GRM8: variants seen among roughly 807,000 people sequenced by gnomAD.
The protein encoded by GRM8 is glutamate metabotropic receptor 8.
Under a neutral mutation model 87.2 loss-of-function variants are expected in GRM8, and 47 were observed. The observed-to-expected ratio is 0.54, with a 90% confidence interval of 0.43 to 0.69. The LOEUF is 0.69. GRM8 is among the 30% of genes least tolerant of loss of function. The pLI is 0.00. For missense variants in GRM8, 1,019 were observed against 1,139.2 expected, an observed-to-expected ratio of 0.89 and a Z score of 1.52; for synonymous variants, 396 against 404.5, an observed-to-expected ratio of 0.98 and a Z score of 0.25.
chr7:126,822,302 G>A (rs1794367819), intron 6 of GRM8, among the ~76,000 whole-genome samples: 1 of 152,042 alleles, frequency 6.6e-6, no homozygotes, highest in Non-Finnish European at 1.5e-5. Context: ...AACTTCTCAA[G>A]CCTTTACTCC....
At chr7:126,951,409 T>C (rs1808142849) in intron 3 of GRM8, among the ~76,000 whole-genome samples, 1 of 152,066 alleles carries the variant, frequency 6.6e-6, no homozygotes, top group Admixed American at 6.6e-5. Context: ...CAGTTATGAT[T>C]CATATTTTTC....
chr7:126,610,665 AT>A (rs1242856449), intron 7 of GRM8, among the ~76,000 whole-genome samples: 2 of 152,224 alleles, frequency 1.3e-5, no homozygotes, highest in African/African-American at 4.8e-5. Flanking sequence ...ATTGTAAAAT[AT>A]TTAACTTATC....
chr7:127,009,948 TC>T (rs1425879116), intron 3 of GRM8, among the ~76,000 whole-genome samples: 1 of 151,992 alleles, frequency 6.6e-6, no homozygotes, highest in Non-Finnish European at 1.5e-5. Context: ...GGTTCAAGGA[TC>T]CCCCTGCCTC....
At chr7:126,721,668 T>G (rs988694733) in intron 7 of GRM8, among the ~76,000 whole-genome samples, 1 of 152,102 alleles carries the variant, frequency 6.6e-6, no homozygotes, top group African/African-American at 2.4e-5. Flanking sequence ...TCTCCTGCAC[T>G]CCTCTGATTG....
chr7:126,795,807 A>G (rs1403897965), intron 6 of GRM8, among the ~76,000 whole-genome samples: 1 of 151,988 alleles, frequency 6.6e-6, no homozygotes, highest in African/African-American at 2.4e-5. Context: ...AGTTTACTGG[A>G]TGTATGTTGC....
chr7:127,119,950 A>G lies in GRM8; in HGVS notation c.511-13238T>C, dbSNP rs78943823. 2.0e-5 allele frequency among the ~76,000 whole-genome samples: 3 copies of G among 152,284 alleles called. No homozygotes were observed. The East Asian group carries it at 5.8e-4, about 29-fold the overall frequency. ...ACTCCAAACCTATAAATGCAGTCTA[A>G]ATCTCTCCAGTGAGTTCCAGACCCA... On this transcript the variant is annotated intron_variant, in intron 2 of 10. Coordinates refer to ENST00000339582, the MANE Select transcript of GRM8 (RefSeq NM_000845.3).
chr7:126,901,896 C>T (rs1235758876), intron 6 of GRM8, among the ~76,000 whole-genome samples: 1 of 151,898 alleles, frequency 6.6e-6, no homozygotes, highest in Non-Finnish European at 1.5e-5. Context: ...ATATCTGTAA[C>T]CTTGCTAAAT....
chr7:126,820,666 C>T (rs1250336139), intron 6 of GRM8, among the ~76,000 whole-genome samples: 2 of 152,200 alleles, frequency 1.3e-5, no homozygotes, highest in Non-Finnish European at 2.9e-5. Flanking sequence ...CCTGGACATC[C>T]TCTACATGTT....
At chr7:126,773,246 C>A (rs1330844501) in intron 6 of GRM8, among the ~76,000 whole-genome samples, 1 of 152,038 alleles carries the variant, frequency 6.6e-6, no homozygotes, top group Admixed American at 6.6e-5. Context: ...TGTTTTTAAT[C>A]TAATTATTTT....
chr7:126,486,581 T>A (rs993639250), intron 9 of GRM8, among the ~76,000 whole-genome samples: 1 of 152,076 alleles, frequency 6.6e-6, no homozygotes, highest in Non-Finnish European at 1.5e-5. Context: ...TCACAATTTT[T>A]AAAAATCTTG....
rs537386657 is a variant in GRM8 at position 126,973,623 on chromosome 7, C to T, written c.728-68940G>A. 2.0e-5 allele frequency among the ~76,000 whole-genome samples: 3 copies of T among 152,266 alleles called. No homozygotes were observed. In the South Asian group the frequency reaches 6.2e-4, roughly 32 times the overall value. On this transcript the variant is annotated intron_variant, in intron 3 of 10. Coordinates refer to ENST00000339582, the MANE Select transcript of GRM8 (RefSeq NM_000845.3). ...AACCAATGGTGTGCATCAGACTCAACTGTAGGGCTTTTGTAAAATTCACAC... is the reference window on the plus strand; with the variant it reads ...AACCAATGGTGTGCATCAGACTCAATTGTAGGGCTTTTGTAAAATTCACAC...
At chr7:126,915,025 C>T (rs1277624954) in intron 3 of GRM8, among the ~76,000 whole-genome samples, 1 of 152,218 alleles carries the variant, frequency 6.6e-6, no homozygotes, top group African/African-American at 2.4e-5. Context: ...CAGAGAGATG[C>T]TGTGATCTGG....
At chr7:127,062,946 A>AT (rs1285945717) in intron 3 of GRM8, among the ~76,000 whole-genome samples, 3 of 151,746 alleles carry the variant, frequency 2.0e-5, no homozygotes, top group African/African-American at 7.3e-5. Context: ...TATTTTATTA[A>AT]TTTTTTTCCC....
chr7:126,521,523 C>T (rs535640109), intron 9 of GRM8, among the ~76,000 whole-genome samples: 13 of 151,894 alleles, frequency 8.6e-5, no homozygotes, highest in South Asian at 8.3e-4. Context: ...CAGAACCCTG[C>T]GGATTACCTT....
At chr7:126,642,842 G>A (rs1297079893) in intron 7 of GRM8, among the ~76,000 whole-genome samples, 1 of 152,030 alleles carries the variant, frequency 6.6e-6, no homozygotes, top group Non-Finnish European at 1.5e-5. Context: ...AGGTGATTCT[G>A]GGGAAGTTAC....
At chr7:126,525,649 T>A (rs1013781705) in intron 9 of GRM8, among the ~76,000 whole-genome samples, 2 of 152,220 alleles carry the variant, frequency 1.3e-5, no homozygotes, top group Non-Finnish European at 2.9e-5. Context: ...TTTGAATTTC[T>A]CCATAAATCA....
chr7:127,230,917 C>T (rs898758558), intron 2 of GRM8, among the ~76,000 whole-genome samples: 14 of 152,208 alleles, frequency 9.2e-5, no homozygotes, highest in African/African-American at 3.4e-4. Flanking sequence ...ATAACTGCAG[C>T]TTCCTTGGAT....
intron 7 of GRM8, among the ~76,000 whole-genome samples, chr7:126,737,002 T>C (rs1311114008): frequency 6.6e-6 from 1 of 152,086 alleles, no homozygotes. Context: ...ACTTTGTTTA[T>C]AGTTTAAATC....
chr7:127,172,404 T>TA (rs1793861506), intron 2 of GRM8, among the ~76,000 whole-genome samples: 1 of 152,130 alleles, frequency 6.6e-6, no homozygotes, highest in South Asian at 2.1e-4. Context: ...TGAAGTCCAG[T>TA]AAAAAATTTC....
Sources: gnomAD v4.1 joint callset for allele counts (sites outside exome capture counted in the v4.1 genomes callset) on GRCh38, gnomAD v4.1.1 for gene constraint, MANE v1.5 for transcripts, NCBI Gene and HGNC (gene_info 2026-07-23, HGNC 2026-07-21) for gene names.